Variants in POLR2M observed in about 807,000 individuals in gnomAD.
POLR2M encodes RNA polymerase II subunit M.
In POLR2M, 30 loss-of-function variants were observed where a neutral mutation model predicts 34.6. The observed-to-expected ratio is 0.87, with a 90% CI of 0.65 to 1.18. The LOEUF (loss-of-function observed/expected upper bound fraction) is 1.18, where lower values mean the gene tolerates loss of function less well. Among genes scored for constraint, POLR2M ranks in the 50% most tolerant of loss-of-function variants. The pLI, the probability that POLR2M is intolerant of heterozygous loss-of-function variation, is 0.00. For synonymous variants in POLR2M, 150 were observed against 166.7 expected, an observed-to-expected ratio of 0.90 and a Z score of 0.77; for missense variants, 432 against 448.7, an observed-to-expected ratio of 0.96 and a Z score of 0.34.
chr15:57,713,120 G>C (rs2040802784), intron 3 of POLR2M, among the ~76,000 whole-genome samples: 1 of 151,934 alleles, frequency 6.6e-6, no homozygotes, highest in Non-Finnish European at 1.5e-5. Flanking sequence ...CTTGAGCTCA[G>C]GAGGTCGAGG....
intron 2 of POLR2M, among the ~76,000 whole-genome samples, chr15:57,709,880 G>A (rs2040642708): frequency 6.6e-6 from 1 of 151,994 alleles, no homozygotes; most frequent in African/African-American, 2.4e-5. Context: ...GTGAACTAAG[G>A]GTAAAGCAAT....
rs748875938 is a variant in POLR2M at position 57,707,189 on chromosome 15, T to TA, written c.113+234_113+235insA. On this transcript the variant is annotated intron_variant, in intron 1 of 3. Coordinates refer to ENST00000299638, the MANE Select transcript of POLR2M (RefSeq NM_015532.5). ...CTCGGATTGAACGGCTACCTGGCGT[T>TA]GCAGGGAGTTAGTAGCCCCTGGTCG... is the stretch of plus-strand genomic sequence containing the variant. 10 of 1,475,286 alleles carry TA rather than the reference T, an allele frequency of 6.8e-6. 1 individual carries two copies. In the South Asian group the frequency reaches 1.2e-4, roughly 18 times the overall value. 91.4% of individuals were successfully genotyped at this position (1,475,286 alleles called of 1,614,324 possible).
intron 3 of POLR2M, among the ~76,000 whole-genome samples, chr15:57,712,595 T>G (rs1297901798): frequency 6.6e-6 from 1 of 152,200 alleles, no homozygotes; most frequent in Non-Finnish European, 1.5e-5. Flanking sequence ...GTTCCCAGGC[T>G]TCCATCTTCT....
In POLR2M at chr15:57,708,870, A is replaced by G; in HGVS notation, c.270A>G (p.Ala90=). The G allele has an allele frequency of 6.2e-7, 1 of 1,614,062 alleles. No individual in the cohort carries two copies. The highest frequency in any genetic ancestry group is 1.3e-5 in the African/African-American group (1 of 75,062). The part of the protein sequence containing the change: ...LDCKLRQKAI[A]EVDVGTDKAQ... Reference sequence around the variant, plus strand: ...GTAAGCTAAGGCAAAAAGCAATTGCAGAAGTTGATGTGGGTACAGATAAGG... The same window carrying G: ...GTAAGCTAAGGCAAAAAGCAATTGCGGAAGTTGATGTGGGTACAGATAAGG... Residue 90 remains alanine, a synonymous_variant, in exon 2 of 4, where the codon GCA becomes GCG. Transcript: ENST00000299638.
rs1250724125 is a variant in POLR2M, at chr15:57,708,933, A to G, written c.333A>G (p.Leu111=). ...ACCCGATACTTGATACTTCATCACTAGTTCCTGGATGTTCCTCTGTAGATA... is the reference window on the plus strand; with the variant it reads ...ACCCGATACTTGATACTTCATCACTGGTTCCTGGATGTTCCTCTGTAGATA... ...NSDPILDTSS[L]VPGCSSVDNI... Residue 111 remains leucine (L), a synonymous_variant, in exon 2 of 4, where the codon CTA becomes CTG. Transcript: ENST00000299638. 1 of 1,614,100 alleles carries G rather than the reference A, an allele frequency of 6.2e-7. No individual in the cohort carries two copies. The highest frequency in any genetic ancestry group is 1.1e-5 in the South Asian group (1 of 91,080).
chr15:57,713,465 G>T (rs1465129542), intron 3 of POLR2M, among the ~76,000 whole-genome samples: 3 of 151,970 alleles, frequency 2.0e-5, no homozygotes, highest in Non-Finnish European at 4.4e-5. Context: ...AGTGGTAATA[G>T]CTCCCACTTT....
chr15:57,714,618 C>T lies in POLR2M; in HGVS notation c.1046C>T (p.Ser349Phe). 1 of 1,612,958 alleles carries T rather than the reference C, an allele frequency of 6.2e-7. No individual in the cohort carries two copies. The highest frequency in any genetic ancestry group is 8.5e-7 in the Non-Finnish European group (1 of 1,179,846). ...KMRSYNPEGE[S>F]SGRYREVRDE... ...CGGAGTTATAATCCAGAAGGGGAGT[C>T]TTCAGGGAGATACCGAGAAGTAAGG... is the stretch of plus-strand genomic sequence containing the variant. The change falls in exon 4 of 4, where the codon TCT (serine) becomes TTT (phenylalanine). Residue 349 changes from serine to phenylalanine, a missense_variant. Ser to Phe is a radical substitution (Grantham distance 155, BLOSUM62 -2). Transcript: ENST00000299638.
Position 57,715,553 on chromosome 15 carries a change from G to T in POLR2M, c.*874G>T, listed in dbSNP as rs2140845289. ...TTGCTGTCACAGATGATAGGTTCAT[G>T]TACACAACATTAATGTTTGATAAGG... On this transcript the variant is annotated 3_prime_UTR_variant, in exon 4 of 4. Transcript: ENST00000299638. The T allele has an allele frequency of 6.6e-6, 1 of 152,184 alleles. No individual in the cohort carries two copies. The highest frequency in any genetic ancestry group is 2.1e-4 in the South Asian group (1 of 4,812). The allele number at this position is 152,184 out of a possible 1,614,324, so 9.4% of individuals were successfully genotyped here. A position where few individuals can be genotyped will look rare whatever the true frequency, so the allele number is the denominator to read the frequency against.
rs781440667 is a variant in POLR2M, at chr15:57,712,031, G to A, written c.806G>A (p.Gly269Glu). ...NDSSSHCQKS[G>E]SPISSEERRR... ...TCATCTAGTCATTGCCAGAAGAGTG[G>A]GTCTCCTATTTCCTCAGAAGAGCGG... The change falls in exon 3 of 4, where the codon GGG becomes GAG. Residue 269 changes from glycine to glutamate, a missense_variant. Transcript: ENST00000299638. The A allele has an allele frequency of 1.5e-5, 25 of 1,613,862 alleles. No homozygotes were observed. In the South Asian group the frequency reaches 2.6e-4, roughly 17 times the overall value.
At chr15:57,711,919 A>C in intron 2 of POLR2M, 65 bp from the exon 3 acceptor site, 1 of 1,573,758 alleles carries the variant, frequency 6.4e-7, no homozygotes, top group Non-Finnish European at 8.7e-7. Context: ...CATTTGTGTG[A>C]ATGTTTTAAA....
At chr15:57,714,126 C>T (rs113066597) in intron 3 of POLR2M, among the ~76,000 whole-genome samples, 41 of 152,080 alleles carry the variant, frequency 2.7e-4, no homozygotes, top group African/African-American at 8.0e-4. Context: ...GGATTACAGG[C>T]GTGAGCCACT....
chr15:57,714,380 C>T lies in POLR2M; in HGVS notation c.964-156C>T, dbSNP rs138199077. ...TGTCAGAAGCATTACCCAGTTGTGT[C>T]TGATAGGGCACAGCCATCAGGCTTG... On this transcript the variant is annotated intron_variant, in intron 3 of 3. Coordinates refer to ENST00000299638, the MANE Select transcript of POLR2M (RefSeq NM_015532.5). 2.4e-3 allele frequency among the ~76,000 whole-genome samples: 359 copies of T among 152,188 alleles called. 3 individuals are homozygous for T. Among genetic ancestry groups the T allele is most frequent in the African/African-American group, 7.9e-3 (327 of 41,522 alleles).
At chr15:57,707,022 C>G in intron 1 of POLR2M, 67 bp downstream of exon 1, 9 of 1,551,874 alleles carry the variant, frequency 5.8e-6, no homozygotes, top group Non-Finnish European at 7.8e-6. Flanking sequence ...CGCTCCCCTC[C>G]CCTCCCGCAC....
At chr15:57,707,240 G>A in intron 1 of POLR2M, 1 of 1,231,360 alleles carries the variant, frequency 8.1e-7, no homozygotes, top group Non-Finnish European at 1.1e-6. Flanking sequence ...GGACTGTGGT[G>A]GTTCCATGAG....
Position 57,717,361 on chromosome 15 carries a change from C to G in POLR2M, c.*2682C>G, listed in dbSNP as rs2040986947. On this transcript the variant is annotated 3_prime_UTR_variant, in exon 4 of 4. Transcript: ENST00000299638. ...CAGCTGTGTAATCACAAACTAGATG[C>G]AGAGGAGGTCTTGCCAGCACTCCAA... is the stretch of plus-strand genomic sequence containing the variant. 6.6e-6 allele frequency: 1 copy of G among 152,152 alleles called. No individual in the cohort carries two copies. Among genetic ancestry groups the G allele is most frequent in the South Asian group, 2.1e-4 (1 of 4,828 alleles). 9.4% of individuals were successfully genotyped at this position (152,152 alleles called of 1,614,324 possible). A position where few individuals can be genotyped will look rare whatever the true frequency, so the allele number is the denominator to read the frequency against.
Position 57,714,778 on chromosome 15 carries a change from A to G in POLR2M, c.*99A>G. Reference sequence around the variant, plus strand: ...GTGTCAGATATTGTTGAGGGAAGTAATTTTATAAAGTTACACAAAGGTAGT... The same window carrying G: ...GTGTCAGATATTGTTGAGGGAAGTAGTTTTATAAAGTTACACAAAGGTAGT... On this transcript the variant is annotated 3_prime_UTR_variant, in exon 4 of 4. Transcript: ENST00000299638. The G allele has an allele frequency of 6.5e-7, 1 of 1,528,358 alleles. No homozygotes were observed. The highest frequency in any genetic ancestry group is 8.8e-7 in the Non-Finnish European group (1 of 1,138,906). The allele number at this position is 1,528,358 out of a possible 1,614,324, so 94.7% of individuals were successfully genotyped here. A position where few individuals can be genotyped will look rare whatever the true frequency, so the allele number is the denominator to read the frequency against.
rs2040614561 is a variant in POLR2M, at chr15:57,709,218, A to G, written c.618A>G (p.Glu206=). ...LQRITIADQG[E]QQSEENASTK... ...GGATCACCATTGCGGACCAAGGTGA[A>G]CAACAGTCAGAAGAAAACGCAAGTA... Residue 206 remains glutamate, a synonymous_variant, in exon 2 of 4, where the codon GAA becomes GAG. Coordinates refer to ENST00000299638, the MANE Select transcript of POLR2M (RefSeq NM_015532.5). 1 of 1,614,226 alleles carries G rather than the reference A, an allele frequency of 6.2e-7. No individual in the cohort carries two copies. The highest frequency in any genetic ancestry group is 8.5e-7 in the Non-Finnish European group (1 of 1,180,036).
In POLR2M at chr15:57,716,287, A is replaced by G. The variant is rs1189004469; in HGVS notation, c.*1608A>G. On this transcript the variant is annotated 3_prime_UTR_variant, in exon 4 of 4. Coordinates refer to ENST00000299638, the MANE Select transcript of POLR2M (RefSeq NM_015532.5). Reference sequence around the variant, plus strand: ...GGATATTTTATTTCATGGGTATACCATAACTTTAAGATTTATTTCCTATTC... The same window carrying G: ...GGATATTTTATTTCATGGGTATACCGTAACTTTAAGATTTATTTCCTATTC... The G allele has an allele frequency of 1.3e-5, 2 of 152,276 alleles. No individual in the cohort carries two copies. The highest frequency in any genetic ancestry group is 2.4e-5 in the African/African-American group (1 of 41,478). 9.4% of individuals were successfully genotyped at this position (152,276 alleles called of 1,614,324 possible).
chr15:57,712,469 C>A (rs1473505909), intron 3 of POLR2M, among the ~76,000 whole-genome samples: 1 of 152,114 alleles, frequency 6.6e-6, no homozygotes, highest in Non-Finnish European at 1.5e-5. Flanking sequence ...CCTGCCTGTT[C>A]CTGTTAGGAT....
Sources: allele counts gnomAD v4.1 joint callset (sites outside exome capture counted in the v4.1 genomes callset), GRCh38; gene constraint gnomAD v4.1.1; transcripts MANE v1.5; gene names NCBI Gene and HGNC (gene_info 2026-07-23, HGNC 2026-07-21).